The following PRKDC variants were observed in gnomAD, a reference collection of about 807,000 sequenced individuals.
The protein encoded by PRKDC is protein kinase, DNA-activated, catalytic subunit.
In PRKDC, 82 loss-of-function variants were observed where a neutral mutation model predicts 486.9. The ratio of observed to expected loss-of-function variants is 0.17; its 90% confidence interval spans 0.14 to 0.20. PRKDC has a LOEUF of 0.20. Ranked by LOEUF, PRKDC falls within the 10% of genes least tolerant of loss-of-function variation. The pLI is 1.00. For missense variants in PRKDC, 4,504 were observed against 5,038.2 expected (o/e 0.89, Z 3.21); for synonymous variants, 1,895 against 1,837.0 (o/e 1.03, Z -0.81).
intron 61 of PRKDC, among the ~76,000 whole-genome samples, 188 bp downstream of exon 61, chr8:47,830,417 C>A (rs1310674636): frequency 6.6e-6 from 1 of 152,170 alleles, no homozygotes; most frequent in African/African-American, 2.4e-5. Flanking sequence ...GTAAAGAAGT[C>A]ATGGAACTAG....
At chr8:47,881,590 A>T (rs1195952722) in intron 37 of PRKDC, 70 bp from the exon 38 acceptor site, 4 of 789,158 alleles carry the variant, frequency 5.1e-6, no homozygotes, top group Non-Finnish European at 5.9e-6. Context: ...CCCATTGCTC[A>T]AATGTTTAAA....
At chr8:47,779,880 G>T (rs1443461324) in intron 80 of PRKDC, among the ~76,000 whole-genome samples, 1 of 145,682 alleles carries the variant, frequency 6.9e-6, no homozygotes, top group Non-Finnish European at 1.5e-5. Context: ...GAGCCACCAC[G>T]CCTGGCCTCT....
chr8:47,807,111 C>G (rs1245210857), intron 69 of PRKDC, 26 bp downstream of exon 69: 2 of 1,600,070 alleles, frequency 1.2e-6, no homozygotes, highest in East Asian at 4.5e-5. Flanking sequence ...TGTGACACAG[C>G]AGGGAGGACA....
chr8:47,903,586 T>G (rs911214812), intron 26 of PRKDC, among the ~76,000 whole-genome samples: 3 of 152,218 alleles, frequency 2.0e-5, no homozygotes, highest in African/African-American at 7.2e-5. Flanking sequence ...CAAGTGGTGA[T>G]GCAGGGAAGA....
chr8:47,910,188 G>C (rs1470327844), intron 25 of PRKDC, among the ~76,000 whole-genome samples: 3 of 152,018 alleles, frequency 2.0e-5, no homozygotes, highest in African/African-American at 7.2e-5. Flanking sequence ...CTGGGGGCTG[G>C]TTCCCCCAAT....
rs1190592178 is a variant in PRKDC at position 47,773,203 on chromosome 8, A to AG, written c.*969_*970insC. On this transcript the variant is annotated 3_prime_UTR_variant, in exon 86 of 86. Coordinates refer to ENST00000314191, the MANE Select transcript of PRKDC (RefSeq NM_006904.7). The stretch of plus-strand genomic sequence containing the variant: ...ACAAGTGTTAGAAGGAAAAAAAAAA[A>AG]CAACAAAAAGCTAAAAGCCAATCAG... 9.1e-6 allele frequency: 2 copies of AG among 220,474 alleles called. No homozygotes were observed. The highest frequency in any genetic ancestry group is 1.8e-5 in the Non-Finnish European group (2 of 108,902). The allele number at this position is 220,474 out of a possible 1,614,324, so 13.7% of individuals were successfully genotyped here. A position where few individuals can be genotyped will look rare whatever the true frequency, so the allele number is the denominator to read the frequency against.
chr8:47,898,344 C>A, intron 29 of PRKDC, 126 bp downstream of exon 29: 1 of 757,656 alleles, frequency 1.3e-6, no homozygotes, highest in Non-Finnish European at 2.1e-6. Flanking sequence ...CTTCAGACTT[C>A]CACACATTCC....
chr8:47,907,548 T>C (rs1363793956), intron 25 of PRKDC, among the ~76,000 whole-genome samples: 1 of 147,090 alleles, frequency 6.8e-6, no homozygotes, highest in Non-Finnish European at 1.5e-5. Context: ...TTTTTTTTTT[T>C]TTTTGAGACA....
intron 68 of PRKDC, 120 bp downstream of exon 68, chr8:47,817,330 A>G: frequency 1.5e-6 from 1 of 686,528 alleles, no homozygotes; most frequent in Non-Finnish European, 2.5e-6. Context: ...AACAGGAAGG[A>G]TGGAAAACAG....
intron 40 of PRKDC, among the ~76,000 whole-genome samples, chr8:47,865,313 G>GA (rs946512710): frequency 3.2e-4 from 48 of 151,976 alleles, no homozygotes; most frequent in African/African-American, 1.1e-3. Flanking sequence ...TTGAACATGG[G>GA]AGGCAGAGGG....
chr8:47,830,381 C>T (rs2087835759), intron 61 of PRKDC, among the ~76,000 whole-genome samples: 1 of 152,170 alleles, frequency 6.6e-6, no homozygotes, highest in Non-Finnish European at 1.5e-5. Flanking sequence ...GTCTTCAGCA[C>T]TGATGATCTC....
chr8:47,922,601 C>T (rs564814841), intron 21 of PRKDC, among the ~76,000 whole-genome samples: 69 of 152,146 alleles, frequency 4.5e-4, no homozygotes, highest in African/African-American at 1.7e-3. Context: ...TGAGCCACTG[C>T]ACCCAGCCTG....
In PRKDC at chr8:47,922,923, G is replaced by A. The variant is rs953981380; in HGVS notation, c.2419+4271C>T. The stretch of plus-strand genomic sequence containing the variant: ...CAGAATATGAAAGGACATTAACACA[G>A]GACAAATCTCGGAAAGCGACTATCT... On this transcript the variant is annotated intron_variant, in intron 21 of 85. Coordinates refer to ENST00000314191, the MANE Select transcript of PRKDC (RefSeq NM_006904.7). 1.1e-4 allele frequency among the ~76,000 whole-genome samples: 16 copies of A among 152,124 alleles called. 1 individual carries two copies. Among genetic ancestry groups the A allele is most frequent in the African/African-American group, 2.7e-4 (11 of 41,408 alleles).
chr8:47,931,769 C>T (rs1326948300), intron 16 of PRKDC, among the ~76,000 whole-genome samples: 1 of 152,202 alleles, frequency 6.6e-6, no homozygotes, highest in South Asian at 2.1e-4. Context: ...TCACTGCAGT[C>T]GAAAGCAAGC....
At chr8:47,956,354 T>G (rs891119156) in intron 3 of PRKDC, among the ~76,000 whole-genome samples, 1 of 149,086 alleles carries the variant, frequency 6.7e-6, no homozygotes, top group African/African-American at 2.5e-5. Context: ...TTCACGGGAC[T>G]CTGTGGTTCA....
At chr8:47,824,736 G>A (rs2087694231) in intron 63 of PRKDC, among the ~76,000 whole-genome samples, 2 of 152,044 alleles carry the variant, frequency 1.3e-5, no homozygotes, top group Admixed American at 1.3e-4. Flanking sequence ...CAAAATTCTG[G>A]CTTGACCCTT....
intron 50 of PRKDC, among the ~76,000 whole-genome samples, chr8:47,854,425 GC>G (rs1210499041): frequency 1.3e-5 from 2 of 152,054 alleles, no homozygotes; most frequent in African/African-American, 2.4e-5. Context: ...TGCAAGCTCT[GC>G]CCCCTGGGTT....
intron 29 of PRKDC, among the ~76,000 whole-genome samples, chr8:47,897,787 T>C (rs1308636940): frequency 2.0e-5 from 3 of 152,210 alleles, no homozygotes; most frequent in Non-Finnish European, 4.4e-5. Flanking sequence ...TAAACTGATA[T>C]CGTAAGTTAA....
chr8:47,901,857 A>T (rs1563794557), intron 27 of PRKDC, among the ~76,000 whole-genome samples: 1 of 152,174 alleles, frequency 6.6e-6, no homozygotes, highest in African/African-American at 2.4e-5. Flanking sequence ...GGATGAATGA[A>T]TGAACACCAC....
Sources: gnomAD v4.1 joint callset for allele counts (sites outside exome capture counted in the v4.1 genomes callset) on GRCh38, gnomAD v4.1.1 for gene constraint, MANE v1.5 for transcripts, NCBI Gene and HGNC (gene_info 2026-07-23, HGNC 2026-07-21) for gene names.